Variants in AGMO observed in about 807,000 individuals in gnomAD.
The protein encoded by AGMO is alkylglycerol monooxygenase, also known as glyceryl-ether monooxygenase.
In AGMO, 75 loss-of-function variants were observed where a neutral mutation model predicts 60.2. The ratio of observed to expected loss-of-function variants is 1.25; its 90% confidence interval spans 1.03 to 1.51. The LOEUF (loss-of-function observed/expected upper bound fraction) is 1.51. AGMO is among the 40% of genes most tolerant of loss of function. AGMO has a pLI of 0.00. For synonymous variants in AGMO, 261 were observed against 177.1 expected (o/e 1.47, Z -3.76); for missense variants, 763 against 525.5 (o/e 1.45, Z -4.42).
chr7:15,338,165 T>G (rs1374556355), intron 12 of AGMO, among the ~76,000 whole-genome samples: 1 of 152,196 alleles, frequency 6.6e-6, no homozygotes, highest in Non-Finnish European at 1.5e-5. Context: ...TTAAATTTTT[T>G]AAGTAAGGTG....
the AGMO span, among the ~76,000 whole-genome samples, chr7:15,122,423 T>C: frequency 6.6e-6 from 1 of 152,140 alleles, no homozygotes; most frequent in Non-Finnish European, 1.5e-5. Context: ...AATGCACCAA[T>C]TGCTAAATTA....
At chr7:15,504,516 A>G (rs1487575743) in intron 3 of AGMO, among the ~76,000 whole-genome samples, 2 of 152,022 alleles carry the variant, frequency 1.3e-5, no homozygotes, top group African/African-American at 4.8e-5. Flanking sequence ...TGAGTGTCCA[A>G]TTATTTTAAG....
intron 3 of AGMO, among the ~76,000 whole-genome samples, chr7:15,542,481 T>C (rs1784655496): frequency 6.6e-6 from 1 of 152,200 alleles, no homozygotes; most frequent in East Asian, 1.9e-4. Flanking sequence ...GGTAATATCT[T>C]GTTGATTCTT....
At chr7:15,127,429 T>A in the AGMO span, among the ~76,000 whole-genome samples, 1 of 152,030 alleles carries the variant, frequency 6.6e-6, no homozygotes, top group East Asian at 1.9e-4. Flanking sequence ...CGTAAATAAA[T>A]CTTCAGAAAA....
intron 3 of AGMO, among the ~76,000 whole-genome samples, chr7:15,439,324 G>A (rs997427389): frequency 6.6e-6 from 1 of 152,262 alleles, no homozygotes; most frequent in Middle Eastern, 3.4e-3. Context: ...TTGGACTCAG[G>A]AGGCAAAAAT....
At chr7:15,260,201 G>A (rs1563058584) in intron 12 of AGMO, among the ~76,000 whole-genome samples, 3 of 146,230 alleles carry the variant, frequency 2.1e-5, no homozygotes, top group African/African-American at 5.1e-5. Context: ...CAGCCTGGGT[G>A]ACAGAGCGAG....
intron 12 of AGMO, among the ~76,000 whole-genome samples, chr7:15,314,577 G>C (rs748180241): frequency 8.5e-5 from 13 of 152,054 alleles, no homozygotes; most frequent in South Asian, 2.1e-4. Flanking sequence ...TAGTTCACTG[G>C]AACACTGCAT....
intron 12 of AGMO, among the ~76,000 whole-genome samples, chr7:15,349,056 A>T (rs1782136136): frequency 6.6e-6 from 1 of 152,164 alleles, no homozygotes; most frequent in African/African-American, 2.4e-5. Flanking sequence ...ATTTATAAGT[A>T]ACACTTTATG....
chr7:15,128,942 G>A, the AGMO span, among the ~76,000 whole-genome samples: 1 of 152,060 alleles, frequency 6.6e-6, no homozygotes, highest in African/African-American at 2.4e-5. Context: ...AAGGCAGTCA[G>A]GGTTGTCAAG....
intron 3 of AGMO, among the ~76,000 whole-genome samples, chr7:15,461,074 T>A (rs1256674280): frequency 2.6e-5 from 4 of 152,072 alleles, no homozygotes; most frequent in Non-Finnish European, 5.9e-5. Flanking sequence ...CCACTATTGT[T>A]CAAAATGTAT....
intron 12 of AGMO, chr7:15,358,376 A>T (rs1159682427): frequency 4.3e-6 from 2 of 469,916 alleles, no homozygotes; most frequent in South Asian, 3.1e-5. Flanking sequence ...AGACGAGATG[A>T]TAACGTGGAA....
At chr7:15,322,723 AATAT>A (rs1300097074) in intron 12 of AGMO, among the ~76,000 whole-genome samples, 1 of 68,508 alleles carries the variant, frequency 1.5e-5, no homozygotes, top group Non-Finnish European at 2.4e-5. Context: ...TAAATATATA[AATAT>A]ATATATAAAT....
At chr7:15,249,941 T>A (rs1027799294) in intron 12 of AGMO, among the ~76,000 whole-genome samples, 6 of 152,198 alleles carry the variant, frequency 3.9e-5, no homozygotes, top group African/African-American at 1.4e-4. Flanking sequence ...AGGTTTTAAA[T>A]CTTTACTTAG....
chr7:15,531,131 T>A (rs1784322003), intron 3 of AGMO, among the ~76,000 whole-genome samples: 1 of 79,486 alleles, frequency 1.3e-5, no homozygotes, highest in South Asian at 3.9e-4. Flanking sequence ...ATATATTCTG[T>A]ATATATTCTA....
At chr7:15,348,436 T>C (rs1021740301) in intron 12 of AGMO, among the ~76,000 whole-genome samples, 17 of 151,968 alleles carry the variant, frequency 1.1e-4, no homozygotes, top group African/African-American at 3.9e-4. Flanking sequence ...CAGAAAAAAA[T>C]GATTTCAGGA....
chr7:15,322,497 A>AATAT (rs1374915212), intron 12 of AGMO, among the ~76,000 whole-genome samples: 66 of 57,664 alleles, frequency 1.1e-3, no homozygotes, highest in South Asian at 3.5e-3. Flanking sequence ...AATATATATA[A>AATAT]ATATATAAAT....
chr7:15,405,655 A>T (rs1216990096), intron 5 of AGMO, among the ~76,000 whole-genome samples: 1 of 151,962 alleles, frequency 6.6e-6, no homozygotes, highest in Non-Finnish European at 1.5e-5. Context: ...GTTCCTAACT[A>T]TGAGCTTTAC....
intron 6 of AGMO, among the ~76,000 whole-genome samples, chr7:15,393,831 C>T (rs1475275622): frequency 2.0e-5 from 3 of 152,142 alleles, no homozygotes; most frequent in Non-Finnish European, 4.4e-5. Flanking sequence ...ATTTCCTCAG[C>T]TGGTTAACTC....
At chr7:15,277,355 TA>T (rs1563066527) in intron 12 of AGMO, among the ~76,000 whole-genome samples, 2 of 103,982 alleles carry the variant, frequency 1.9e-5, no homozygotes, top group Non-Finnish European at 4.4e-5. Flanking sequence ...ATAAATAAAT[TA>T]TGTGTCATTT....
Sources: gnomAD v4.1 joint callset for allele counts (sites outside exome capture counted in the v4.1 genomes callset) on GRCh38, gnomAD v4.1.1 for gene constraint, MANE v1.5 for transcripts, NCBI Gene and HGNC (gene_info 2026-07-23, HGNC 2026-07-21) for gene names.